CDH4: variants seen among roughly 807,000 people sequenced by gnomAD.
The protein encoded by CDH4 is cadherin 4.
Under a neutral mutation model 86.0 loss-of-function variants are expected in CDH4, and 33 were observed. The observed-to-expected ratio is 0.38, with a 90% CI of 0.29 to 0.51. The LOEUF (loss-of-function observed/expected upper bound fraction) is 0.51, where lower values mean the gene tolerates loss of function less well. Ranked by LOEUF, CDH4 falls within the 20% of genes least tolerant of loss-of-function variation. The pLI, the probability that CDH4 is intolerant of heterozygous loss-of-function variation, is 0.86. For missense variants in CDH4, 1,114 were observed against 1,307.4 expected (o/e 0.85, Z 2.28); for synonymous variants, 555 against 549.4 (o/e 1.01, Z -0.14).
chr20:61,936,243 C>T (rs1183223152), intron 15 of CDH4, among the ~76,000 whole-genome samples: 1 of 149,550 alleles, frequency 6.7e-6, no homozygotes, highest in Non-Finnish European at 1.5e-5. Context: ...CATGGCCCAG[C>T]CCTCACCTCC....
chr20:61,755,275 ACACACACACACGCCCCACACACAC>A (rs141410036), intron 3 of CDH4, among the ~76,000 whole-genome samples: 11,956 of 149,302 alleles, frequency 0.08, 557 homozygotes, highest in South Asian at 0.22. Context: ...TCAATACCAC[ACACACACACACGCCCCACACACAC>A]CACACACACA....
intron 2 of CDH4, among the ~76,000 whole-genome samples, chr20:61,268,165 A>G (rs982567989): frequency 9.9e-5 from 15 of 152,198 alleles, no homozygotes; most frequent in African/African-American, 3.4e-4. Context: ...AGTGCCTGGA[A>G]TGGGAGCGGG....
intron 9 of CDH4, among the ~76,000 whole-genome samples, chr20:61,915,840 T>G (rs148487857): frequency 9.6e-4 from 146 of 152,296 alleles, no homozygotes; most frequent in African/African-American, 3.3e-3. Flanking sequence ...GTACACTTGT[T>G]AACATTCCTG....
At chr20:61,438,225 G>A (rs1432695808) in intron 2 of CDH4, among the ~76,000 whole-genome samples, 1 of 152,144 alleles carries the variant, frequency 6.6e-6, no homozygotes. Context: ...AGTATCTTGA[G>A]AAAATGTATT....
intron 2 of CDH4, among the ~76,000 whole-genome samples, chr20:61,328,120 CTTTA>C (rs1044108274): frequency 2.6e-5 from 4 of 152,040 alleles, no homozygotes; most frequent in Admixed American, 1.3e-4. Flanking sequence ...ACAAAGAGGT[CTTTA>C]TTTATGTGAA....
At chr20:61,650,987 C>A (rs2087114332) in intron 2 of CDH4, among the ~76,000 whole-genome samples, 1 of 152,260 alleles carries the variant, frequency 6.6e-6, no homozygotes, top group Non-Finnish European at 1.5e-5. Context: ...CCATGGCGTG[C>A]AGCACAGAGG....
intron 2 of CDH4, among the ~76,000 whole-genome samples, chr20:61,509,782 A>G (rs905509731): frequency 1.2e-4 from 18 of 152,132 alleles, no homozygotes; most frequent in Admixed American, 1.0e-3. Context: ...TGGGTGTCCA[A>G]TATGACAGTC....
At chr20:61,683,754 A>G (rs965913781) in intron 2 of CDH4, among the ~76,000 whole-genome samples, 4 of 152,248 alleles carry the variant, frequency 2.6e-5, no homozygotes, top group Non-Finnish European at 5.9e-5. Context: ...GTTACCACTC[A>G]CTGTCCTCTT....
At chr20:61,564,441 G>A (rs75400638) in intron 2 of CDH4, among the ~76,000 whole-genome samples, 42 of 152,164 alleles carry the variant, frequency 2.8e-4, no homozygotes, top group East Asian at 1.2e-3. Context: ...CCTTCCCCTC[G>A]GTGCTGAGTG....
At chr20:61,927,641 G>A (rs1430559562) in intron 11 of CDH4, among the ~76,000 whole-genome samples, 1 of 152,268 alleles carries the variant, frequency 6.6e-6, no homozygotes, top group East Asian at 1.9e-4. Context: ...TTTGCCCTAA[G>A]AAGTCCCAGA....
At chr20:61,815,601 ACCT>A (rs1286790696) in intron 4 of CDH4, among the ~76,000 whole-genome samples, 2 of 152,066 alleles carry the variant, frequency 1.3e-5, no homozygotes, top group Non-Finnish European at 2.9e-5. Context: ...CCCTGATGAA[ACCT>A]CCTCAGAGTA....
At position 61,623,056 on chromosome 20, in the gene CDH4, G is replaced by T. The variant is rs1353945504; in HGVS notation, c.170-120507G>T. On this transcript the variant is annotated intron_variant, in intron 2 of 15. Transcript: ENST00000614565. This position sits in a 1 kb window ranked among gnomAD's most constrained non-coding sequence, Gnocchi z 4.4. ...TAAGACAGTCAGGGAAACAAACGGGGAGGTGCCTTAGAGGCAAAGCTTCAT... is the reference window on the plus strand; with the variant it reads ...TAAGACAGTCAGGGAAACAAACGGGTAGGTGCCTTAGAGGCAAAGCTTCAT... Among the ~76,000 whole-genome samples the T allele has an allele frequency of 1.3e-5, 2 of 152,190 alleles. No individual in the cohort carries two copies. Among genetic ancestry groups the T allele is most frequent in the African/African-American group, 4.8e-5 (2 of 41,438 alleles).
intron 4 of CDH4, among the ~76,000 whole-genome samples, chr20:61,826,299 C>T (rs1331457250): frequency 6.6e-6 from 1 of 152,258 alleles, no homozygotes; most frequent in Admixed American, 6.5e-5. Context: ...CCTTACTGCC[C>T]TCGGCCATGC....
chr20:61,276,785 C>T lies in CDH4; in HGVS notation c.169+21848C>T, dbSNP rs569788213. ...GTTGGGCAGAGGGAGGCACAGGAGC[C>T]AGCAAGATGCTGCACTTTTCATGAA... is the stretch of plus-strand genomic sequence containing the variant. On this transcript the variant is annotated intron_variant, in intron 2 of 15. Coordinates refer to ENST00000614565, the MANE Select transcript of CDH4 (RefSeq NM_001794.5). Among the ~76,000 whole-genome samples the T allele has an allele frequency of 2.1e-4, 32 of 152,272 alleles. No homozygotes were observed. The East Asian group carries it at 4.8e-3, about 23-fold the overall frequency.
At chr20:61,815,213 T>TGTC (rs1980651654) in intron 4 of CDH4, among the ~76,000 whole-genome samples, 2 of 152,296 alleles carry the variant, frequency 1.3e-5, no homozygotes, top group South Asian at 4.1e-4. Context: ...TACGAAGTCC[T>TGTC]GTCTAACCCC....
chr20:61,666,588 T>C (rs2087327197), intron 2 of CDH4, among the ~76,000 whole-genome samples: 1 of 152,192 alleles, frequency 6.6e-6, no homozygotes. Context: ...AGCTGAGGCC[T>C]AGGGCTCACA....
rs186255749 is a variant in CDH4, at chr20:61,573,441, G to A, written c.170-170122G>A. ...TGCTTTGGCATCTCCAGAAGCAGAAGGACTGTTGCTATAATTAGACCACCT... is the reference window on the plus strand; with the variant it reads ...TGCTTTGGCATCTCCAGAAGCAGAAAGACTGTTGCTATAATTAGACCACCT... On this transcript the variant is annotated intron_variant, in intron 2 of 15. Transcript: ENST00000614565. 1.8e-3 allele frequency among the ~76,000 whole-genome samples: 267 copies of A among 152,360 alleles called. 3 individuals are homozygous for A. The highest frequency in any genetic ancestry group is 6.3e-3 in the African/African-American group (261 of 41,584).
chr20:61,849,449 G>C (rs1211382067), intron 5 of CDH4, among the ~76,000 whole-genome samples: 1 of 152,224 alleles, frequency 6.6e-6, no homozygotes, highest in Non-Finnish European at 1.5e-5. Context: ...GTCCAGATGG[G>C]CTTGGCTTGT....
At chr20:61,674,973 TAGAA>T (rs72035788) in intron 2 of CDH4, among the ~76,000 whole-genome samples, 3,150 of 152,306 alleles carry the variant, frequency 0.021, 55 homozygotes, top group African/African-American at 0.037. Context: ...GGTGAGCAAT[TAGAA>T]AGAGACATTG....
Sources: gnomAD v4.1 joint callset for allele counts (sites outside exome capture counted in the v4.1 genomes callset) on GRCh38, gnomAD v4.1.1 for gene constraint, Gnocchi (gnomAD v3.1) non-coding constraint, MANE v1.5 for transcripts, NCBI Gene and HGNC (gene_info 2026-07-23, HGNC 2026-07-21) for gene names.